Variants in FMNL3 observed in about 807,000 individuals in gnomAD.
FMNL3 encodes formin-like protein 3.
FMNL3 carries 57 observed loss-of-function variants against 119.6 expected under a neutral mutation model. The ratio of observed to expected loss-of-function variants is 0.48; its 90% CI spans 0.39 to 0.59. The LOEUF is 0.59. Among genes scored for constraint, FMNL3 ranks in the 20% least tolerant of loss-of-function variants. The probability of loss-of-function intolerance (pLI) is 0.00; values close to 1 mark genes in which losing one functional copy is unlikely to be tolerated. For synonymous variants in FMNL3, 491 were observed against 507.3 expected, an observed-to-expected ratio of 0.97 and a Z score of 0.43; for missense variants, 1,053 against 1,323.5, an observed-to-expected ratio of 0.80 and a Z score of 3.17.
Position 49,641,777 on chromosome 12 carries a change from G to A in FMNL3, c.*4038C>T. The A allele has an allele frequency of 1.4e-6, 1 of 700,088 alleles. No homozygotes were observed. Among genetic ancestry groups the A allele is most frequent in the East Asian group, 2.6e-5 (1 of 38,360 alleles). 43.4% of individuals were successfully genotyped at this position (700,088 alleles called of 1,614,324 possible). A position where few individuals can be genotyped will look rare whatever the true frequency, so the allele number is the denominator to read the frequency against. ...GGACTTGGATAACTTGGTTTCTAAT[G>A]CAGACCACAGTCCTGTGGATCTCTT... is the stretch of plus-strand genomic sequence containing the variant. On this transcript the variant is annotated 3_prime_UTR_variant, in exon 26 of 26. Coordinates refer to ENST00000335154, the MANE Select transcript of FMNL3 (RefSeq NM_175736.5).
In FMNL3 at chr12:49,638,935, C is replaced by G. The variant is rs538769965; in HGVS notation, c.*6880G>C. 2 of 152,314 alleles carry G rather than the reference C, an allele frequency of 1.3e-5. No individual in the cohort carries two copies. The highest frequency in any genetic ancestry group is 4.2e-4 in the South Asian group (2 of 4,816). 9.4% of individuals were successfully genotyped at this position (152,314 alleles called of 1,614,324 possible). ...GAAGTACTGTTTTGCCTTACAAATT[C>G]ACGTAGGTGTTGCATTTTAACACCA... On this transcript the variant is annotated 3_prime_UTR_variant, in exon 26 of 26. Transcript: ENST00000335154.
intron 14 of FMNL3, 55 bp from the exon 15 acceptor site, chr12:49,651,505 C>T (rs2138738936): frequency 4.5e-6 from 6 of 1,319,220 alleles, no homozygotes; most frequent in Non-Finnish European, 6.0e-6. Context: ...TCTTCATAGG[C>T]TTCCCTCCCC....
chr12:49,642,207 CCCTGTTCCGTGT>C lies in FMNL3; in HGVS notation c.*3596_*3607del. 1 of 1,614,098 alleles carries C rather than the reference CCCTGTTCCGTGT, an allele frequency of 6.2e-7. No homozygotes were observed. The highest frequency in any genetic ancestry group is 1.1e-5 in the South Asian group (1 of 91,090). ...ACCTGGCATCCACCCTCCTGGGTGA[CCCTGTTCCGTGT>C]CCCTTCTTTCCTCAGCTGCTGGAGA... On this transcript the variant is annotated 3_prime_UTR_variant, in exon 26 of 26. Coordinates refer to ENST00000335154, the MANE Select transcript of FMNL3 (RefSeq NM_175736.5). The surrounding 1 kb of genome is among the most constrained non-coding windows in gnomAD (Gnocchi z 5.8).
chr12:49,673,151 G>C (rs1944090883), intron 1 of FMNL3, among the ~76,000 whole-genome samples: 1 of 152,138 alleles, frequency 6.6e-6, no homozygotes, highest in Admixed American at 6.5e-5. Flanking sequence ...TCAGCCCATG[G>C]GGACAGGGAG....
chr12:49,642,843 G>A lies in FMNL3; in HGVS notation c.*2972C>T. ...GGCAGAAGGCTCTAGTCTGAGAAAG[G>A]GAGGCAAAGCCAGATTTTAGGAAGT... On this transcript the variant is annotated 3_prime_UTR_variant, in exon 26 of 26. Coordinates refer to ENST00000335154, the MANE Select transcript of FMNL3 (RefSeq NM_175736.5). This position sits in a 1 kb window ranked among gnomAD's most constrained non-coding sequence, Gnocchi z 5.8. 6.7e-7 allele frequency: 1 copy of A among 1,482,662 alleles called. No homozygotes were observed. The highest frequency in any genetic ancestry group is 9.2e-7 in the Non-Finnish European group (1 of 1,085,402). The allele number at this position is 1,482,662 out of a possible 1,614,324, so 91.8% of individuals were successfully genotyped here.
rs530608468 is a variant in FMNL3 at position 49,703,176 on chromosome 12, G to C, written c.126+3879C>G. On this transcript the variant is annotated intron_variant, in intron 1 of 25. Transcript: ENST00000335154. ...GTCAAGTCTGTAGTAAATCAACAAAGAGAAAAATCAGAGTACAATCACAAC... is the reference window on the plus strand; with the variant it reads ...GTCAAGTCTGTAGTAAATCAACAAACAGAAAAATCAGAGTACAATCACAAC... Among the ~76,000 whole-genome samples the C allele has an allele frequency of 5.3e-5, 8 of 152,226 alleles. No individual in the cohort carries two copies. The East Asian group carries it at 1.2e-3, about 22-fold the overall frequency.
Position 49,637,190 on chromosome 12 carries a change from GT to G in FMNL3, c.*8624del. On this transcript the variant is annotated 3_prime_UTR_variant, in exon 26 of 26. Transcript: ENST00000335154. ...CAGCTTGGGGGTGGCAGTGGTGGTG[GT>G]AGTGCTAGGGGTTACTGCAGGCAGG... 1 of 571,802 alleles carries G rather than the reference GT, an allele frequency of 1.7e-6. No individual in the cohort carries two copies. Among genetic ancestry groups the G allele is most frequent in the South Asian group, 2.2e-5 (1 of 45,920 alleles). 35.4% of individuals were successfully genotyped at this position (571,802 alleles called of 1,614,324 possible). A position where few individuals can be genotyped will look rare whatever the true frequency, so the allele number is the denominator to read the frequency against.
At chr12:49,660,300 A>G (rs1184142712) in intron 5 of FMNL3, among the ~76,000 whole-genome samples, 2 of 152,202 alleles carry the variant, frequency 1.3e-5, no homozygotes, top group Non-Finnish European at 2.9e-5. Flanking sequence ...CTGAGGTTCC[A>G]GGGTACTCTT....
At position 49,643,647 on chromosome 12, in the gene FMNL3, G is replaced by C; in HGVS notation, c.*2168C>G. The C allele has an allele frequency of 6.3e-7, 1 of 1,589,028 alleles. No homozygotes were observed. Among genetic ancestry groups the C allele is most frequent in the Non-Finnish European group, 8.6e-7 (1 of 1,164,922 alleles). ...GGGCTAGAACAAAGAAAAAGAGCCT[G>C]TCTTTCTCCTGTTGGGACTTAGTAG... On this transcript the variant is annotated 3_prime_UTR_variant, in exon 26 of 26. Transcript: ENST00000335154.
chr12:49,664,173 A>G (rs1304369583), intron 4 of FMNL3, among the ~76,000 whole-genome samples: 2 of 152,220 alleles, frequency 1.3e-5, no homozygotes, highest in Non-Finnish European at 2.9e-5. Flanking sequence ...TGAGCCTGGG[A>G]GGCAGAGGTT....
chr12:49,706,993 C>A, intron 1 of FMNL3, 62 bp downstream of exon 1: 1 of 1,534,670 alleles, frequency 6.5e-7, no homozygotes, highest in African/African-American at 1.4e-5. Context: ...CACAAAGTCC[C>A]AGCCCGGGCG....
chr12:49,664,346 A>G (rs1203332530), intron 4 of FMNL3, among the ~76,000 whole-genome samples: 2 of 152,360 alleles, frequency 1.3e-5, no homozygotes, highest in Non-Finnish European at 2.9e-5. Flanking sequence ...TTGAGGCTGC[A>G]GTGAGTCATG....
intron 16 of FMNL3, 140 bp downstream of exon 16, chr12:49,651,028 G>A (rs1413238784): frequency 1.7e-5 from 25 of 1,446,248 alleles, no homozygotes; most frequent in East Asian, 2.3e-5. Flanking sequence ...AGAAATATAC[G>A]TACACTCAAG....
chr12:49,654,575 C>G (rs541905251), intron 10 of FMNL3, among the ~76,000 whole-genome samples: 1 of 152,160 alleles, frequency 6.6e-6, no homozygotes, highest in Admixed American at 6.5e-5. Flanking sequence ...AGGTATTCCT[C>G]GAGACAACCT....
intron 1 of FMNL3, among the ~76,000 whole-genome samples, chr12:49,698,912 C>T (rs1282652798): frequency 6.6e-6 from 1 of 152,228 alleles, no homozygotes; most frequent in African/African-American, 2.4e-5. Flanking sequence ...TCTTAAATCC[C>T]TGAAGTTCTC....
intron 1 of FMNL3, among the ~76,000 whole-genome samples, chr12:49,674,810 G>A (rs992028165): frequency 3.3e-5 from 5 of 152,168 alleles, no homozygotes; most frequent in African/African-American, 1.2e-4. Context: ...AACCAGAAAT[G>A]ACTTGCTGAG....
At chr12:49,650,224 C>T (rs866869530) in intron 17 of FMNL3, among the ~76,000 whole-genome samples, 3 of 152,246 alleles carry the variant, frequency 2.0e-5, no homozygotes, top group Middle Eastern at 6.8e-3. Context: ...TCTACCTTCT[C>T]CTGCTCCTCT....
At chr12:49,673,816 C>T (rs931950082) in intron 1 of FMNL3, among the ~76,000 whole-genome samples, 6 of 152,264 alleles carry the variant, frequency 3.9e-5, no homozygotes, top group African/African-American at 1.4e-4. Context: ...GCTGCCGCCG[C>T]CTCCACGTCA....
intron 1 of FMNL3, among the ~76,000 whole-genome samples, chr12:49,684,115 C>G (rs1944401017): frequency 1.3e-5 from 2 of 152,158 alleles, no homozygotes; most frequent in Admixed American, 6.5e-5. Flanking sequence ...AGACTGAACT[C>G]CTGGGGGCAG....
Sources: allele counts gnomAD v4.1 joint callset (sites outside exome capture counted in the v4.1 genomes callset), GRCh38; gene constraint gnomAD v4.1.1; non-coding constraint Gnocchi (gnomAD v3.1); transcripts MANE v1.5; gene names NCBI Gene and HGNC (gene_info 2026-07-23, HGNC 2026-07-21).